Variants in ELF2 observed in about 807,000 individuals in gnomAD.
The protein encoded by ELF2 is ETS-related transcription factor Elf-2.
In ELF2, 11 loss-of-function variants were observed where a neutral mutation model predicts 54.8. That is an observed-to-expected ratio of 0.20 (90% CI 0.13 to 0.33). The LOEUF (loss-of-function observed/expected upper bound fraction) is 0.33. Among genes scored for constraint, ELF2 ranks in the 10% least tolerant of loss-of-function variants. The pLI is 1.00. For missense variants in ELF2, 513 were observed against 703.0 expected, an observed-to-expected ratio of 0.73 and a Z score of 3.06; for synonymous variants, 203 against 245.1, an observed-to-expected ratio of 0.83 and a Z score of 1.61.
chr4:139,080,902 A>T (rs1275104818), intron 4 of ELF2, among the ~76,000 whole-genome samples: 1 of 151,924 alleles, frequency 6.6e-6, no homozygotes, highest in East Asian at 1.9e-4. Context: ...CCAATTACAT[A>T]ACGAACTTAT....
chr4:139,149,437 C>G (rs1739623964), intron 1 of ELF2, among the ~76,000 whole-genome samples: 1 of 152,076 alleles, frequency 6.6e-6, no homozygotes, highest in African/African-American at 2.4e-5. Flanking sequence ...TGGTGAAACC[C>G]CACCTCCACT....
At chr4:139,107,178 T>C (rs1734500811) in intron 4 of ELF2, among the ~76,000 whole-genome samples, 1 of 151,888 alleles carries the variant, frequency 6.6e-6, no homozygotes, top group South Asian at 2.1e-4. Context: ...CACAAAAAGG[T>C]TGAAAAACCT....
At chr4:139,131,418 G>A (rs1296887319) in intron 3 of ELF2, among the ~76,000 whole-genome samples, 1 of 152,142 alleles carries the variant, frequency 6.6e-6, no homozygotes, top group African/African-American at 2.4e-5. Context: ...GCTTTTATAT[G>A]CACTCAGTCA....
At chr4:139,148,316 A>ATTTTTTTTT (rs772079635) in intron 1 of ELF2, among the ~76,000 whole-genome samples, 24 of 64,570 alleles carry the variant, frequency 3.7e-4, no homozygotes, top group East Asian at 6.7e-4. Context: ...TACCTGGCTA[A>ATTTTTTTTT]TTTTTTTTTT....
At chr4:139,063,055 C>T (rs1033196367) in intron 7 of ELF2, among the ~76,000 whole-genome samples, 1 of 152,038 alleles carries the variant, frequency 6.6e-6, no homozygotes, top group Non-Finnish European at 1.5e-5. Flanking sequence ...GTCAGGAGTT[C>T]GAGACCAGCC....
At chr4:139,175,640 A>G (rs1184294431) in intron 1 of ELF2, among the ~76,000 whole-genome samples, 1 of 152,262 alleles carries the variant, frequency 6.6e-6, no homozygotes, top group African/African-American at 2.4e-5. Flanking sequence ...GGCACCAAAG[A>G]AAGTGCATAA....
rs537920394 is a variant in ELF2 at position 139,069,879 on chromosome 4, C to A, written c.526+1987G>T. On this transcript the variant is annotated intron_variant, in intron 6 of 9. Transcript: ENST00000686138. ...TTTTTTTCTTTGAGACAGGGTCTCA[C>A]TCTGTCGCCCAGGCTGGAATGCAGT... Among the ~76,000 whole-genome samples, 8 of 151,794 alleles carry A rather than the reference C, an allele frequency of 5.3e-5. No homozygotes were observed. In the East Asian group the frequency reaches 1.4e-3, roughly 26 times the overall value.
At chr4:139,075,631 G>T (rs570255776) in intron 4 of ELF2, among the ~76,000 whole-genome samples, 1 of 152,120 alleles carries the variant, frequency 6.6e-6, no homozygotes, top group African/African-American at 2.4e-5. Context: ...GTTTCACCAT[G>T]TTGGCCAGGC....
intron 1 of ELF2, among the ~76,000 whole-genome samples, chr4:139,148,712 T>C (rs1325903565): frequency 3.9e-5 from 6 of 152,250 alleles, no homozygotes; most frequent in Non-Finnish European, 7.4e-5. Context: ...AAGACATATG[T>C]TCTATATGAA....
At chr4:139,062,132 T>A in intron 7 of ELF2, 75 bp from the exon 8 acceptor site, 2 of 1,368,792 alleles carry the variant, frequency 1.5e-6, no homozygotes, top group Non-Finnish European at 9.9e-7. Flanking sequence ...AAATAAAGTG[T>A]CCTTCATTGT....
chr4:139,094,323 A>AC (rs1460469358), intron 4 of ELF2, among the ~76,000 whole-genome samples: 1 of 152,214 alleles, frequency 6.6e-6, no homozygotes, highest in Non-Finnish European at 1.5e-5. Flanking sequence ...GACCATAGAT[A>AC]CAGGACCAAA....
chr4:139,163,465 AATG>A (rs1741376063), intron 1 of ELF2, among the ~76,000 whole-genome samples: 1 of 152,214 alleles, frequency 6.6e-6, no homozygotes, highest in South Asian at 2.1e-4. Flanking sequence ...AACTTTTCAC[AATG>A]ATAAGGAAAA....
chr4:139,139,816 C>T (rs1163289500), intron 1 of ELF2, among the ~76,000 whole-genome samples: 1 of 151,750 alleles, frequency 6.6e-6, no homozygotes, highest in Non-Finnish European at 1.5e-5. Flanking sequence ...TGGGCAAGTT[C>T]TAATAACAGG....
At chr4:139,137,542 CTCAAA>C (rs1738310928) in intron 3 of ELF2, 83 bp downstream of exon 3, 1 of 1,292,948 alleles carries the variant, frequency 7.7e-7, no homozygotes, top group African/African-American at 1.5e-5. Flanking sequence ...CATTTTTACT[CTCAAA>C]TATGTTTCCT....
At chr4:139,074,394 C>T (rs1000579501) in intron 4 of ELF2, among the ~76,000 whole-genome samples, 1 of 152,144 alleles carries the variant, frequency 6.6e-6, no homozygotes, top group Non-Finnish European at 1.5e-5. Context: ...CTTACAGACC[C>T]TCTTGAATGA....
intron 1 of ELF2, among the ~76,000 whole-genome samples, chr4:139,145,027 C>A (rs1347183644): frequency 1.3e-5 from 2 of 152,260 alleles, no homozygotes; most frequent in Non-Finnish European, 2.9e-5. Flanking sequence ...ACCACTTCAA[C>A]CACAGCTGGC....
chr4:139,172,067 C>T (rs900982130), intron 1 of ELF2, among the ~76,000 whole-genome samples: 3 of 152,160 alleles, frequency 2.0e-5, no homozygotes, highest in African/African-American at 7.2e-5. Context: ...AACAGTTTGG[C>T]AGTGTCCTAA....
chr4:139,140,907 C>T (rs983264328), intron 1 of ELF2, among the ~76,000 whole-genome samples: 3 of 152,182 alleles, frequency 2.0e-5, no homozygotes, highest in African/African-American at 7.2e-5. Flanking sequence ...AAGCACTCCT[C>T]CTTCTATCAA....
chr4:139,176,123 CG>C (rs1742890205), intron 1 of ELF2, among the ~76,000 whole-genome samples: 1 of 152,190 alleles, frequency 6.6e-6, no homozygotes, highest in South Asian at 2.1e-4. Flanking sequence ...TCCCGTCGCG[CG>C]GTCCCTGAGG....
Sources: allele counts gnomAD v4.1 joint callset (sites outside exome capture counted in the v4.1 genomes callset), GRCh38; gene constraint gnomAD v4.1.1; transcripts MANE v1.5; gene names NCBI Gene and HGNC (gene_info 2026-07-23, HGNC 2026-07-21).